KCNQ5: variants seen among roughly 807,000 people sequenced by gnomAD.
KCNQ5 encodes potassium voltage-gated channel subfamily Q member 5, also known as potassium voltage-gated channel subfamily KQT member 5.
In KCNQ5, 30 loss-of-function variants were observed where a neutral mutation model predicts 98.2. The observed-to-expected ratio is 0.31, with a 90% CI of 0.23 to 0.41. The LOEUF (loss-of-function observed/expected upper bound fraction) is 0.41, where lower values mean the gene tolerates loss of function less well. Among genes scored for constraint, KCNQ5 ranks in the 10% least tolerant of loss-of-function variants. KCNQ5 has a pLI of 1.00. For missense variants in KCNQ5, 835 were observed against 1,182.5 expected (o/e 0.71, Z 4.31); for synonymous variants, 458 against 449.4 (o/e 1.02, Z -0.24).
chr6:72,754,966 A>T (rs1464737670), intron 1 of KCNQ5, among the ~76,000 whole-genome samples: 7 of 151,552 alleles, frequency 4.6e-5, no homozygotes, highest in Non-Finnish European at 1.0e-4. Context: ...TTTACTTTTT[A>T]TTACATTTTA....
At chr6:73,083,524 A>G (rs147066311) in intron 5 of KCNQ5, among the ~76,000 whole-genome samples, 87 of 152,328 alleles carry the variant, frequency 5.7e-4, no homozygotes, top group African/African-American at 1.9e-3. Flanking sequence ...AGGAAAATAA[A>G]TGATGCATTA....
chr6:72,929,840 G>A (rs1765611097), intron 1 of KCNQ5, among the ~76,000 whole-genome samples: 1 of 152,062 alleles, frequency 6.6e-6, no homozygotes. Context: ...AAGCCCATTA[G>A]GTAGATATTT....
chr6:73,072,896 CT>C (rs543457620), intron 3 of KCNQ5, among the ~76,000 whole-genome samples: 269 of 148,626 alleles, frequency 1.8e-3, no homozygotes, highest in African/African-American at 5.2e-3. Flanking sequence ...GGATTACATG[CT>C]TTTTTTTTTA....
chr6:73,165,682 C>T (rs930781118), intron 10 of KCNQ5, among the ~76,000 whole-genome samples: 11 of 152,166 alleles, frequency 7.2e-5, no homozygotes, highest in Non-Finnish European at 7.4e-5. Context: ...TGGTGGTTCA[C>T]GCCTGTAATC....
chr6:72,805,572 C>A (rs1267219299), intron 1 of KCNQ5, among the ~76,000 whole-genome samples: 2 of 151,944 alleles, frequency 1.3e-5, no homozygotes, highest in African/African-American at 4.8e-5. Context: ...GTTACTATAC[C>A]TCTGTGGTAC....
chr6:72,944,680 C>T (rs907535877), intron 1 of KCNQ5, among the ~76,000 whole-genome samples: 3 of 152,174 alleles, frequency 2.0e-5, no homozygotes, highest in Non-Finnish European at 4.4e-5. Context: ...GGCCTTTCCT[C>T]ATGGGCTTAA....
chr6:73,184,018 G>T (rs763750562), intron 11 of KCNQ5, among the ~76,000 whole-genome samples: 23 of 152,150 alleles, frequency 1.5e-4, no homozygotes, highest in Non-Finnish European at 3.2e-4. Context: ...TTATAATACT[G>T]TAAATTTCAT....
intron 1 of KCNQ5, among the ~76,000 whole-genome samples, chr6:72,721,844 C>T (rs1769975114): frequency 6.6e-6 from 1 of 152,138 alleles, no homozygotes; most frequent in African/African-American, 2.4e-5. Context: ...GCTGTCCTAC[C>T]TTATGGTACA....
At chr6:73,168,243 A>G (rs1777877859) in intron 10 of KCNQ5, among the ~76,000 whole-genome samples, 1 of 152,172 alleles carries the variant, frequency 6.6e-6, no homozygotes, top group South Asian at 2.1e-4. Context: ...CAATGAATGA[A>G]CCTCCAATAG....
intron 2 of KCNQ5, among the ~76,000 whole-genome samples, chr6:73,013,458 G>A (rs1024023639): frequency 6.6e-6 from 1 of 151,956 alleles, no homozygotes. Flanking sequence ...CACATTCCAG[G>A]GACAGTTAAA....
At chr6:72,715,297 C>T in intron 1 of KCNQ5, among the ~76,000 whole-genome samples, 1 of 152,150 alleles carries the variant, frequency 6.6e-6, no homozygotes, top group East Asian at 1.9e-4. Flanking sequence ...TTGTAGCACA[C>T]AGAATGGCCA....
rs534444356 is a variant in KCNQ5 at position 72,729,972 on chromosome 6, G to A, written c.398+107385G>A. 1.1e-4 allele frequency among the ~76,000 whole-genome samples: 17 copies of A among 152,152 alleles called. No homozygotes were observed. The South Asian group carries it at 2.7e-3, about 24-fold the overall frequency. ...GGCCAGGAGTTTGAGACCATCTTGG[G>A]CCACATAGTAAAATCCCATCTCTAG... is the stretch of plus-strand genomic sequence containing the variant. On this transcript the variant is annotated intron_variant, in intron 1 of 13. Transcript: ENST00000370398.
intron 3 of KCNQ5, among the ~76,000 whole-genome samples, chr6:73,058,923 G>A (rs1353019375): frequency 2.6e-5 from 4 of 152,160 alleles, no homozygotes; most frequent in East Asian, 1.9e-4. Context: ...ACAGATGCTG[G>A]CAAGGTTATG....
chr6:72,721,828 C>G (rs1041554067), intron 1 of KCNQ5, among the ~76,000 whole-genome samples: 3 of 152,134 alleles, frequency 2.0e-5, no homozygotes, highest in African/African-American at 7.2e-5. Context: ...CTGTGTGAAC[C>G]TTATGGCTGT....
chr6:73,047,844 T>C (rs555145264), intron 3 of KCNQ5, among the ~76,000 whole-genome samples: 6 of 152,330 alleles, frequency 3.9e-5, no homozygotes, highest in Non-Finnish European at 8.8e-5. Context: ...AGGTATACTA[T>C]AATTATGGTG....
At chr6:73,052,268 T>G (rs1562149236) in intron 3 of KCNQ5, among the ~76,000 whole-genome samples, 1 of 152,238 alleles carries the variant, frequency 6.6e-6, no homozygotes, top group Non-Finnish European at 1.5e-5. Flanking sequence ...GACTCACTGA[T>G]GTCCCTGAAA....
At position 73,182,664 on chromosome 6, in the gene KCNQ5, A is replaced by AT. The variant is rs564880878; in HGVS notation, c.1578-7903dup. ...TTTCCTCAATTTTCAGCACCCACAT[A>AT]TTTTTTCCTGGTGTCTAGAATTATT... On this transcript the variant is annotated intron_variant, in intron 11 of 13. Transcript: ENST00000370398. Among the ~76,000 whole-genome samples, 80 of 152,006 alleles carry AT rather than the reference A, an allele frequency of 5.3e-4. 1 individual carries two copies. The highest frequency in any genetic ancestry group is 1.8e-3 in the African/African-American group (73 of 41,470).
At chr6:73,102,225 C>T (rs1206970125) in intron 5 of KCNQ5, among the ~76,000 whole-genome samples, 1 of 152,080 alleles carries the variant, frequency 6.6e-6, no homozygotes, top group East Asian at 1.9e-4. Context: ...ACCCCTATCC[C>T]TTGCCATATG....
chr6:73,149,648 T>A (rs1287340847), intron 10 of KCNQ5, among the ~76,000 whole-genome samples: 4 of 151,840 alleles, frequency 2.6e-5, no homozygotes, highest in Admixed American at 2.6e-4. Context: ...ATACAAAAAA[T>A]TAGCTGGGCG....
Sources: allele counts gnomAD v4.1 joint callset (sites outside exome capture counted in the v4.1 genomes callset), GRCh38; gene constraint gnomAD v4.1.1; transcripts MANE v1.5; gene names NCBI Gene and HGNC (gene_info 2026-07-23, HGNC 2026-07-21).